P2RX3: variants seen among roughly 807,000 people sequenced by gnomAD.
P2RX3 encodes the protein purinergic receptor P2X 3.
Under a neutral mutation model 51.5 loss-of-function variants are expected in P2RX3, and 41 were observed. That is an observed-to-expected ratio of 0.80 (90% CI 0.62 to 1.03). The LOEUF (loss-of-function observed/expected upper bound fraction) is 1.03. Ranked by LOEUF, P2RX3 falls within the 50% of genes least tolerant of loss-of-function variation. The pLI, the probability that P2RX3 is intolerant of heterozygous loss-of-function variation, is 0.00. For synonymous variants in P2RX3, 185 were observed against 191.6 expected (o/e 0.97, Z 0.29); for missense variants, 459 against 522.1 (o/e 0.88, Z 1.18).
chr11:57,338,081 C>T (rs1329658084), upstream of P2RX3, among the ~76,000 whole-genome samples: 1 of 152,218 alleles, frequency 6.6e-6, no homozygotes, highest in East Asian at 1.9e-4. Flanking sequence ...GGGTCCTTAG[C>T]TCAGGCAGGC....
At chr11:57,349,327 G>A (rs1484352080) in intron 6 of P2RX3, among the ~76,000 whole-genome samples, 1 of 151,100 alleles carries the variant, frequency 6.6e-6, no homozygotes, top group East Asian at 1.9e-4. Context: ...TTAGCCAGGC[G>A]CCGTGGCACA....
Position 57,345,731 on chromosome 11 carries a change from G to T in P2RX3, c.120-813G>T, listed in dbSNP as rs529305217. On this transcript the variant is annotated intron_variant, in intron 1 of 11. Transcript: ENST00000263314. The stretch of plus-strand genomic sequence containing the variant: ...GAGGCCAGGAAAGTCTGAGAAGGAA[G>T]ATAGGGATGGAAAAAGGGAAGGCCT... 2.6e-4 allele frequency among the ~76,000 whole-genome samples: 39 copies of T among 152,278 alleles called. 1 individual carries two copies. In the South Asian group the frequency reaches 7.7e-3, roughly 30 times the overall value.
intron 8 of P2RX3, among the ~76,000 whole-genome samples, chr11:57,356,444 G>T (rs755607606): frequency 4.6e-5 from 7 of 152,212 alleles, no homozygotes; most frequent in African/African-American, 7.2e-5. Context: ...CGCAGTTTTG[G>T]ATTTCCTCTT....
Position 57,347,186 on chromosome 11 carries a change from A to G in P2RX3, c.326A>G (p.Glu109Gly). ...TENQMQGFCP[E>G]SEEKYRCVSD... ...AATCAGATGCAAGGATTCTGCCCAG[A>G]GGTGAGGGGAGGACAGAGGTTGGGT... is the stretch of plus-strand genomic sequence containing the variant. The change falls in exon 3 of 12, where the codon GAG becomes GGG. Residue 109 changes from glutamate to glycine, a missense_variant and splice_region_variant. Glu to Gly is a moderately conservative substitution (Grantham distance 98, BLOSUM62 -2). Transcript: ENST00000263314. 6.2e-7 allele frequency: 1 copy of G among 1,613,004 alleles called. No homozygotes were observed. The highest frequency in any genetic ancestry group is 8.5e-7 in the Non-Finnish European group (1 of 1,179,464).
rs1028717956 is a variant in P2RX3 at position 57,370,073 on chromosome 11, G to A, written c.*76G>A. Reference sequence around the variant, plus strand: ...AGGACCCTGCCTGAGCAAGGGGCATGGGAGGGAAGAGGGGCTCTCATTTCT... The same window carrying A: ...AGGACCCTGCCTGAGCAAGGGGCATAGGAGGGAAGAGGGGCTCTCATTTCT... On this transcript the variant is annotated 3_prime_UTR_variant, in exon 12 of 12. Coordinates refer to ENST00000263314, the MANE Select transcript of P2RX3 (RefSeq NM_002559.5). 3.0e-6 allele frequency: 3 copies of A among 1,016,804 alleles called. No homozygotes were observed. The highest frequency in any genetic ancestry group is 2.1e-5 in the Admixed American group (1 of 47,474). The allele number at this position is 1,016,804 out of a possible 1,614,324, so 63.0% of individuals were successfully genotyped here. A position where few individuals can be genotyped will look rare whatever the true frequency, so the allele number is the denominator to read the frequency against.
At chr11:57,346,734 G>A in intron 2 of P2RX3, 55 bp downstream of exon 2, 1 of 1,597,608 alleles carries the variant, frequency 6.3e-7, no homozygotes. Flanking sequence ...GGGCAGGTTG[G>A]AAGGGAGAAA....
intron 8 of P2RX3, among the ~76,000 whole-genome samples, chr11:57,354,637 T>TTG (rs369644268): frequency 3.3e-5 from 5 of 151,356 alleles, no homozygotes; most frequent in South Asian, 2.1e-4. Context: ...ACAGGTGATG[T>TTG]TGTGTGTGTG....
chr11:57,364,457 CTT>C (rs1473577334), intron 8 of P2RX3, among the ~76,000 whole-genome samples: 1 of 152,170 alleles, frequency 6.6e-6, no homozygotes, highest in Non-Finnish European at 1.5e-5. Context: ...ACAGTATAGT[CTT>C]CATGAGATTA....
rs992978816 is a variant in P2RX3 at position 57,338,607 on chromosome 11, G to T, written c.57G>T (p.Lys19Asn). ...TYETTKSVVVKSWTIGIINRV... is the reference protein window; with the variant it reads ...TYETTKSVVVNSWTIGIINRV... ...AGACCACCAAGTCGGTGGTTGTGAA[G>T]AGCTGGACCATCGGGATCATCAACC... The change falls in exon 1 of 12, where the codon AAG becomes AAT. Residue 19 changes from lysine to asparagine, a missense_variant. Lys to Asn is a moderately conservative substitution (Grantham distance 94). Coordinates refer to ENST00000263314, the MANE Select transcript of P2RX3 (RefSeq NM_002559.5). 3.1e-6 allele frequency: 5 copies of T among 1,598,360 alleles called. No homozygotes were observed. Among genetic ancestry groups the T allele is most frequent in the Non-Finnish European group, 4.3e-6 (5 of 1,167,150 alleles).
At chr11:57,355,359 A>G (rs1404941975) in intron 8 of P2RX3, among the ~76,000 whole-genome samples, 23 of 117,852 alleles carry the variant, frequency 2.0e-4, no homozygotes, top group African/African-American at 7.0e-4. Flanking sequence ...TTTTTTTGAG[A>G]CAGAGTTTTG....
Position 57,350,908 on chromosome 11 carries a change from T to G in P2RX3, c.842+10T>G. ...CAGGCTACAACTTCAGGTAATTCCC[T>G]GTCTCCTGGGACACCAGGAGAAGAA... On this transcript the variant is annotated intron_variant, in intron 8 of 11. Coordinates refer to ENST00000263314, the MANE Select transcript of P2RX3 (RefSeq NM_002559.5). 3 of 1,614,054 alleles carry G rather than the reference T, an allele frequency of 1.9e-6. No homozygotes were observed. Among genetic ancestry groups the G allele is most frequent in the Non-Finnish European group, 2.5e-6 (3 of 1,179,982 alleles).
At chr11:57,361,749 C>T (rs1283812396) in intron 8 of P2RX3, among the ~76,000 whole-genome samples, 1 of 152,204 alleles carries the variant, frequency 6.6e-6, no homozygotes, top group Non-Finnish European at 1.5e-5. Context: ...CTGCAATAAA[C>T]ATGCATGCAT....
chr11:57,358,593 G>A (rs1590635336), intron 8 of P2RX3, among the ~76,000 whole-genome samples: 1 of 152,048 alleles, frequency 6.6e-6, no homozygotes, highest in Non-Finnish European at 1.5e-5. Context: ...TGCCTCTGTG[G>A]GCCTCAGTTT....
At chr11:57,344,645 G>A (rs939563528) in intron 1 of P2RX3, among the ~76,000 whole-genome samples, 10 of 152,194 alleles carry the variant, frequency 6.6e-5, no homozygotes, top group Non-Finnish European at 7.3e-5. Flanking sequence ...GTTGCAGTGA[G>A]CCGAGATGGC....
At chr11:57,357,093 C>T (rs1856642501) in intron 8 of P2RX3, among the ~76,000 whole-genome samples, 1 of 152,094 alleles carries the variant, frequency 6.6e-6, no homozygotes. Context: ...CCAAGGCGGG[C>T]AGATCACGAG....
intron 5 of P2RX3, 33 bp downstream of exon 5, chr11:57,348,296 C>T (rs746956788): frequency 6.5e-7 from 1 of 1,547,032 alleles, no homozygotes; most frequent in South Asian, 1.2e-5. Context: ...AGGAGACAGG[C>T]CCCCACCTCA....
chr11:57,341,078 C>T (rs115484650), intron 1 of P2RX3, among the ~76,000 whole-genome samples: 2,083 of 152,148 alleles, frequency 0.014, 57 homozygotes, highest in African/African-American at 0.048. Flanking sequence ...CATTTTAACC[C>T]GTGTGTCTGT....
chr11:57,352,142 T>C (rs967272013), intron 8 of P2RX3, among the ~76,000 whole-genome samples: 6 of 152,208 alleles, frequency 3.9e-5, no homozygotes, highest in Non-Finnish European at 7.3e-5. Flanking sequence ...TATTCTCTGA[T>C]ACAATGGCAT....
chr11:57,362,996 C>T (rs1322230190), intron 8 of P2RX3, among the ~76,000 whole-genome samples: 1 of 152,120 alleles, frequency 6.6e-6, no homozygotes, highest in Non-Finnish European at 1.5e-5. Flanking sequence ...GTGTTTTAAG[C>T]ACGGACTATA....
Sources: allele counts gnomAD v4.1 joint callset (sites outside exome capture counted in the v4.1 genomes callset), GRCh38; gene constraint gnomAD v4.1.1; transcripts MANE v1.5; gene names NCBI Gene and HGNC (gene_info 2026-07-23, HGNC 2026-07-21).